The following MGAT4C variants were observed in gnomAD, a reference collection of about 807,000 sequenced individuals.
MGAT4C encodes MGAT4 family member C.
A neutral mutation model predicts 40.1 loss-of-function variants in MGAT4C; 19 were observed. The observed-to-expected ratio is 0.47, with a 90% CI of 0.33 to 0.70. The LOEUF (loss-of-function observed/expected upper bound fraction) is 0.70. Among genes scored for constraint, MGAT4C ranks in the 30% least tolerant of loss-of-function variants. The pLI, the probability that MGAT4C is intolerant of heterozygous loss-of-function variation, is 0.02. For synonymous variants in MGAT4C, 181 were observed against 187.1 expected (o/e 0.97, Z 0.27); for missense variants, 491 against 563.2 (o/e 0.87, Z 1.30).
At chr12:86,288,674 G>A (rs1038526760) in intron 4 of MGAT4C, among the ~76,000 whole-genome samples, 4 of 151,928 alleles carry the variant, frequency 2.6e-5, no homozygotes, top group African/African-American at 9.7e-5. Flanking sequence ...TAATCATGTG[G>A]AGCATTTTTA....
At position 86,585,735 on chromosome 12, in the gene MGAT4C, AT is replaced by A. The variant is rs953725529; in HGVS notation, c.-229+141473del. Among the ~76,000 whole-genome samples the A allele has an allele frequency of 8.8e-3, 1,270 of 144,466 alleles. 9 individuals are homozygous for A. The highest frequency in any genetic ancestry group is 0.014 in the Non-Finnish European group (935 of 66,174). 94.8% of individuals were successfully genotyped at this position (144,466 alleles called of 152,430 possible). A position where few individuals can be genotyped will look rare whatever the true frequency, so the allele number is the denominator to read the frequency against. On this transcript the variant is annotated intron_variant, in intron 2 of 7. Coordinates refer to the MGAT4C transcript ENST00000548651. ...TAGGCTCCATGTTTTATTTTTTTTA[AT>A]TTTTTTTTTAATTTTTCTTTTTTTT...
chr12:86,656,147 A>G (rs1963844911), intron 2 of MGAT4C, among the ~76,000 whole-genome samples: 1 of 152,072 alleles, frequency 6.6e-6, no homozygotes, highest in Non-Finnish European at 1.5e-5. Context: ...GCCTAAAAAT[A>G]TGTTAGAAAA....
At chr12:86,138,503 C>CATATATATATTTCCATATATAT (rs1882327752) in intron 1 of MGAT4C, among the ~76,000 whole-genome samples, 2 of 146,454 alleles carry the variant, frequency 1.4e-5, no homozygotes, top group African/African-American at 5.0e-5. Context: ...ATATATATAT[C>CATATATATATTTCCATATATAT]ATGTATATAT....
At chr12:86,408,475 CTCTCTATATATATATATATA>C (rs1290120668) in intron 3 of MGAT4C, among the ~76,000 whole-genome samples, 1 of 104,406 alleles carries the variant, frequency 9.6e-6, no homozygotes, top group African/African-American at 4.3e-5. Context: ...CTCTCTCTCT[CTCTCTATATATATATATATA>C]TATATATATA....
chr12:86,133,099 GT>G (rs1280728385), intron 1 of MGAT4C, among the ~76,000 whole-genome samples: 1 of 152,086 alleles, frequency 6.6e-6, no homozygotes, highest in African/African-American at 2.4e-5. Flanking sequence ...TTATTGCTTT[GT>G]TTCATACCTA....
chr12:86,638,445 T>C (rs1264775798), intron 2 of MGAT4C, among the ~76,000 whole-genome samples: 1 of 151,826 alleles, frequency 6.6e-6, no homozygotes, highest in East Asian at 1.9e-4. Flanking sequence ...TATTTGGAAA[T>C]TGGGCTTTGG....
intron 1 of MGAT4C, among the ~76,000 whole-genome samples, chr12:86,799,413 T>C (rs1273056629): frequency 1.3e-5 from 2 of 151,892 alleles, no homozygotes. Flanking sequence ...TTAGGAAGAA[T>C]ATTCTCTGAC....
At chr12:86,116,698 T>C (rs1299560900) in intron 1 of MGAT4C, among the ~76,000 whole-genome samples, 1 of 152,052 alleles carries the variant, frequency 6.6e-6, no homozygotes, top group Non-Finnish European at 1.5e-5. Flanking sequence ...GTCAGTCAAG[T>C]TGAGCAAGAT....
intron 4 of MGAT4C, among the ~76,000 whole-genome samples, chr12:86,307,695 T>TTTTA (rs1953970856): frequency 6.7e-6 from 1 of 150,278 alleles, no homozygotes; most frequent in Non-Finnish European, 1.5e-5. Context: ...AATTTCTTTC[T>TTTTA]TTTATTTTAT....
At chr12:86,113,711 A>G (rs839145) in intron 1 of MGAT4C, among the ~76,000 whole-genome samples, 88,247 of 151,584 alleles carry the variant, frequency 0.58, 25,918 homozygotes, top group South Asian at 0.72. Flanking sequence ...AACAAGGGTA[A>G]AATCAACTGC....
intron 1 of MGAT4C, among the ~76,000 whole-genome samples, chr12:86,790,504 A>T (rs1952004500): frequency 6.6e-6 from 1 of 152,168 alleles, no homozygotes; most frequent in Non-Finnish European, 1.5e-5. Flanking sequence ...AAATCATCTT[A>T]AAACTCAGGC....
chr12:86,177,381 C>T (rs1276395351), intron 1 of MGAT4C, among the ~76,000 whole-genome samples: 1 of 151,988 alleles, frequency 6.6e-6, no homozygotes, highest in Non-Finnish European at 1.5e-5. Context: ...ATGTAGAAAA[C>T]ATTTAATAGA....
intron 1 of MGAT4C, among the ~76,000 whole-genome samples, chr12:86,136,592 G>A (rs1040074594): frequency 1.3e-5 from 2 of 152,110 alleles, no homozygotes; most frequent in Admixed American, 1.3e-4. Context: ...TATTCTTTAA[G>A]TGTTATATTA....
In MGAT4C at chr12:85,959,500, A is replaced by C. The variant is rs1351336633; in HGVS notation, c.*19789T>G. 1 of 151,292 alleles carries C rather than the reference A, an allele frequency of 6.6e-6. No homozygotes were observed. Among genetic ancestry groups the C allele is most frequent in the Non-Finnish European group, 1.5e-5 (1 of 67,796 alleles). The allele number at this position is 151,292 out of a possible 1,614,324, so 9.4% of individuals were successfully genotyped here. ...ATTTCAAACCTTGGAATTGAATTGG[A>C]TTTGAGGAGGAAAACCCATATTCAG... On this transcript the variant is annotated 3_prime_UTR_variant, in exon 5 of 5. Coordinates refer to ENST00000611864, the MANE Select transcript of MGAT4C (RefSeq NM_001351288.2).
chr12:86,042,867 C>CAAAAAAA (rs140809256), intron 2 of MGAT4C, among the ~76,000 whole-genome samples: 1 of 107,972 alleles, frequency 9.3e-6, no homozygotes, highest in Non-Finnish European at 1.8e-5. Context: ...GACTCTGTCT[C>CAAAAAAA]AAAAAAAAAA....
intron 3 of MGAT4C, among the ~76,000 whole-genome samples, chr12:86,349,846 C>A (rs1156263594): frequency 6.6e-6 from 1 of 152,052 alleles, no homozygotes; most frequent in African/African-American, 2.4e-5. Context: ...TCAATATTAT[C>A]TGGAATTGTT....
chr12:86,526,910 T>C (rs1259766768), intron 2 of MGAT4C, among the ~76,000 whole-genome samples: 2 of 152,148 alleles, frequency 1.3e-5, no homozygotes, highest in African/African-American at 4.8e-5. Flanking sequence ...CGAGAGTGGG[T>C]TCCTCCTTGC....
intron 2 of MGAT4C, among the ~76,000 whole-genome samples, chr12:86,577,484 T>C (rs1188750808): frequency 1.3e-5 from 2 of 151,832 alleles, no homozygotes; most frequent in Non-Finnish European, 2.9e-5. Context: ...CGTTTTCTTC[T>C]ATATCCAGCT....
At chr12:86,826,215 A>G (rs931891664) in intron 1 of MGAT4C, among the ~76,000 whole-genome samples, 1 of 151,462 alleles carries the variant, frequency 6.6e-6, no homozygotes, top group East Asian at 1.9e-4. Context: ...ATTCATCGCT[A>G]TCGACTTCCT....
Sources: gnomAD v4.1 joint callset for allele counts (sites outside exome capture counted in the v4.1 genomes callset) on GRCh38, gnomAD v4.1.1 for gene constraint, MANE v1.5 for transcripts, NCBI Gene and HGNC (gene_info 2026-07-23, HGNC 2026-07-21) for gene names.